The following COL27A1 variants were observed in gnomAD, a reference collection of about 807,000 sequenced individuals.
COL27A1 encodes collagen alpha-1(XXVII) chain.
A neutral mutation model predicts 251.3 loss-of-function variants in COL27A1; 106 were observed. The ratio of observed to expected loss-of-function variants is 0.42; its 90% CI spans 0.36 to 0.50. The LOEUF (loss-of-function observed/expected upper bound fraction) is 0.50. Ranked by LOEUF, COL27A1 falls within the 20% of genes least tolerant of loss-of-function variation. COL27A1 has a pLI of 0.00. For missense variants in COL27A1, 2,325 were observed against 2,522.8 expected, an observed-to-expected ratio of 0.92 and a Z score of 1.68; for synonymous variants, 1,000 against 986.3, an observed-to-expected ratio of 1.01 and a Z score of -0.26.
chr9:114,305,260 A>G (rs1313416587), intron 57 of COL27A1, among the ~76,000 whole-genome samples: 1 of 152,212 alleles, frequency 6.6e-6, no homozygotes, highest in Non-Finnish European at 1.5e-5. Context: ...ATGCTGAGAC[A>G]GATGGATGGC....
chr9:114,178,403 T>A (rs1378141543), intron 4 of COL27A1, 59 bp downstream of exon 4: 2 of 1,479,726 alleles, frequency 1.4e-6, no homozygotes, highest in Non-Finnish European at 9.5e-7. Flanking sequence ...TGCGTCTCAC[T>A]GCCCCTGAGG....
chr9:114,304,150 C>T (rs1828860819), intron 56 of COL27A1, among the ~76,000 whole-genome samples: 1 of 152,128 alleles, frequency 6.6e-6, no homozygotes, highest in South Asian at 2.1e-4. Context: ...ATTGTCGCCT[C>T]TCCTTGAGAA....
chr9:114,273,731 C>T (rs376989256), intron 36 of COL27A1: 2 of 152,402 alleles, frequency 1.3e-5, no homozygotes, highest in African/African-American at 4.8e-5. Context: ...TCGCCCATCC[C>T]TTCCTGATGG....
chr9:114,259,844 T>A (rs936509334), intron 28 of COL27A1, among the ~76,000 whole-genome samples: 1 of 152,040 alleles, frequency 6.6e-6, no homozygotes, highest in Non-Finnish European at 1.5e-5. Context: ...TACGGGGGGA[T>A]CTGTGATTAT....
intron 24 of COL27A1, among the ~76,000 whole-genome samples, chr9:114,247,474 C>T (rs563300827): frequency 2.3e-4 from 35 of 152,264 alleles, no homozygotes; most frequent in Non-Finnish European, 4.3e-4. Context: ...CTGACAGAGA[C>T]CCCGGGTTTA....
intron 28 of COL27A1, among the ~76,000 whole-genome samples, chr9:114,264,151 C>T (rs1046994048): frequency 6.6e-6 from 1 of 152,238 alleles, no homozygotes; most frequent in Non-Finnish European, 1.5e-5. Context: ...TGAGTCTACT[C>T]ATGCTGCGGC....
At chr9:114,247,222 G>A (rs1444358314) in intron 24 of COL27A1, among the ~76,000 whole-genome samples, 1 of 152,026 alleles carries the variant, frequency 6.6e-6, no homozygotes, top group Non-Finnish European at 1.5e-5. Context: ...GTGTAACAGC[G>A]GCCTCAATTT....
Position 114,266,570 on chromosome 9 carries a change from TCAGGGACCC to T in COL27A1, c.3405_3413del (p.Gln1137_Pro1139del), listed in dbSNP as rs1160074207. The T allele has an allele frequency of 6.2e-7, 1 of 1,613,294 alleles. No individual in the cohort carries two copies. Among genetic ancestry groups the T allele is most frequent in the Admixed American group, 1.7e-5 (1 of 59,980 alleles). On this transcript the variant is annotated inframe_deletion, in exon 33 of 61. Transcript: ENST00000356083. ...TGTGTCTGTCTGTCTTCCAGGGCCC[TCAGGGACCC>T]CAGGGGCCAATTGGGCCTCCAGGAG...
Position 114,167,996 on chromosome 9 carries a change from C to A in COL27A1, c.441C>A (p.Phe147Leu). The A allele has an allele frequency of 6.2e-7, 1 of 1,604,792 alleles. No individual in the cohort carries two copies. The highest frequency in any genetic ancestry group is 8.5e-7 in the Non-Finnish European group (1 of 1,179,778). The change falls in exon 3 of 61, where the codon TTC becomes TTA. Residue 147 changes from phenylalanine to leucine, a missense_variant. Coordinates refer to ENST00000356083, the MANE Select transcript of COL27A1 (RefSeq NM_032888.4). ...TCGGGTCCCGGCGCTCAGTGGCCTT[C>A]GACCTCGACATGCACGACGGGCGCT... The part of the protein sequence containing the change: ...VHLGSRRSVA[F>L]DLDMHDGRWH...
At chr9:114,189,077 G>C (rs1305037046) in intron 5 of COL27A1, among the ~76,000 whole-genome samples, 2 of 152,112 alleles carry the variant, frequency 1.3e-5, no homozygotes, top group Non-Finnish European at 2.9e-5. Flanking sequence ...TCTCAGGAGG[G>C]CTCTATTCAT....
At chr9:114,215,917 C>T (rs1284491417) in intron 12 of COL27A1, among the ~76,000 whole-genome samples, 2 of 152,172 alleles carry the variant, frequency 1.3e-5, no homozygotes, top group East Asian at 3.8e-4. Context: ...GGACCTGAGC[C>T]TTAGGAGCAT....
chr9:114,222,313 T>C (rs1443591400), intron 14 of COL27A1, 46 bp downstream of exon 14: 1 of 1,570,736 alleles, frequency 6.4e-7, no homozygotes, highest in Non-Finnish European at 8.7e-7. Context: ...TTGAGGAGAC[T>C]CAGGGTGGAG....
At position 114,306,615 on chromosome 9, in the gene COL27A1, G is replaced by A. The variant is rs150455755; in HGVS notation, c.5034G>A (p.Thr1678=). The change falls in exon 58 of 61, where the codon ACG becomes ACA. Residue 1678 remains threonine (T), a synonymous_variant. Coordinates refer to ENST00000356083, the MANE Select transcript of COL27A1 (RefSeq NM_032888.4). ...GCAACCTCATCCAGAGCATTAAGAC[G>A]CCCCTGGGCACCAAAGAGAACCCCG... ...YLSNLIQSIK[T]PLGTKENPAR... 7.4e-4 allele frequency: 1,192 copies of A among 1,614,098 alleles called. 2 individuals are homozygous for A. The highest frequency in any genetic ancestry group is 4.3e-3 in the African/African-American group (322 of 75,018).
chr9:114,220,122 A>T (rs1168708556), intron 13 of COL27A1, among the ~76,000 whole-genome samples: 1 of 152,160 alleles, frequency 6.6e-6, no homozygotes, highest in African/African-American at 2.4e-5. Flanking sequence ...TGGAAGGTTC[A>T]TGGGTCACTC....
At chr9:114,236,903 C>A (rs2135459248) in intron 17 of COL27A1, 78 bp from the exon 18 acceptor site, 2 of 1,361,924 alleles carry the variant, frequency 1.5e-6, no homozygotes, top group Non-Finnish European at 2.1e-6. Context: ...GGCCTGGGAC[C>A]AGCAGGAGGA....
chr9:114,223,965 A>C (rs539937759), intron 14 of COL27A1, among the ~76,000 whole-genome samples: 25 of 152,340 alleles, frequency 1.6e-4, no homozygotes, highest in African/African-American at 5.8e-4. Context: ...GGGTTACTGA[A>C]TTGACAAAAA....
At chr9:114,264,170 A>G (rs570900791) in intron 28 of COL27A1, among the ~76,000 whole-genome samples, 185 bp from the exon 29 acceptor site, 1 of 152,234 alleles carries the variant, frequency 6.6e-6, no homozygotes, top group East Asian at 1.9e-4. Flanking sequence ...GCCTCTGCAG[A>G]GCTGTCTCGA....
At chr9:114,212,203 TAGACCTG>T (rs1212822940) in intron 12 of COL27A1, among the ~76,000 whole-genome samples, 1 of 152,214 alleles carries the variant, frequency 6.6e-6, no homozygotes, top group Admixed American at 6.5e-5. Flanking sequence ...ACCTGACACC[TAGACCTG>T]GGCAAGGAGC....
chr9:114,266,511 A>G (rs113578692), intron 32 of COL27A1, 54 bp from the exon 33 acceptor site: 1 of 1,526,364 alleles, frequency 6.6e-7, no homozygotes, highest in Non-Finnish European at 9.1e-7. Flanking sequence ...CCAGATCCCA[A>G]AGAGGGCCCA....
Sources: allele counts gnomAD v4.1 joint callset (sites outside exome capture counted in the v4.1 genomes callset), GRCh38; gene constraint gnomAD v4.1.1; transcripts MANE v1.5; gene names NCBI Gene and HGNC (gene_info 2026-07-23, HGNC 2026-07-21).